Variants in FBXO25 observed in about 807,000 individuals in gnomAD.
FBXO25 encodes the protein F-box only protein 25.
In FBXO25, 45 loss-of-function variants were observed where a neutral mutation model predicts 51.9. That is an observed-to-expected ratio of 0.87 (90% confidence interval 0.68 to 1.11). The LOEUF is 1.11. Among genes scored for constraint, FBXO25 ranks in the 50% most tolerant of loss-of-function variants. The pLI is 0.00. For synonymous variants in FBXO25, 199 were observed against 151.0 expected (o/e 1.32, Z -2.33); for missense variants, 507 against 428.5 (o/e 1.18, Z -1.62).
intron 5 of FBXO25, among the ~76,000 whole-genome samples, chr8:446,002 G>A (rs1001069397): frequency 2.2e-4 from 33 of 152,054 alleles, no homozygotes; most frequent in East Asian, 1.2e-3. Flanking sequence ...GTAGCATGTC[G>A]GACTGTATGT....
intron 8 of FBXO25, 37 bp downstream of exon 8, chr8:458,588 G>A: frequency 6.2e-7 from 1 of 1,601,230 alleles, no homozygotes; most frequent in Non-Finnish European, 8.5e-7. Flanking sequence ...CAGGCTGGGA[G>A]TTTATAGACT....
intron 9 of FBXO25, chr8:467,626 T>C (rs1298596923): frequency 9.7e-6 from 12 of 1,242,118 alleles, no homozygotes; most frequent in Non-Finnish European, 1.4e-5. Flanking sequence ...ACCTGAATGC[T>C]TAGATACACT....
chr8:418,333 CTTTTT>C (rs1207244013), intron 2 of FBXO25, among the ~76,000 whole-genome samples: 3 of 72,336 alleles, frequency 4.1e-5, no homozygotes, highest in Admixed American at 2.0e-4. Context: ...TTTGTTTGTT[CTTTTT>C]TTTTTTTTTT....
rs1227946838 is a variant in FBXO25 at position 476,570 on chromosome 8, T to G, written c.*7766T>G. 6.6e-6 allele frequency: 1 copy of G among 152,198 alleles called. No individual in the cohort carries two copies. Among genetic ancestry groups the G allele is most frequent in the East Asian group, 1.9e-4 (1 of 5,194 alleles). The allele number at this position is 152,198 out of a possible 1,614,324, so 9.4% of individuals were successfully genotyped here. A position where few individuals can be genotyped will look rare whatever the true frequency, so the allele number is the denominator to read the frequency against. On this transcript the variant is annotated 3_prime_UTR_variant, in exon 10 of 10. Coordinates refer to ENST00000350302, the MANE Select transcript of FBXO25 (RefSeq NM_183420.2). ...GTTCAGATTTTCCATTTCTTCATGA[T>G]TCAATCTTGATAGGCTGTGTGTTTC...
At chr8:444,904 C>T (rs772570098) in intron 5 of FBXO25, among the ~76,000 whole-genome samples, 1 of 152,162 alleles carries the variant, frequency 6.6e-6, no homozygotes, top group East Asian at 1.9e-4. Flanking sequence ...GAGGAAATTA[C>T]CTAGCAATGC....
At chr8:444,572 G>C (rs201739689) in intron 5 of FBXO25, among the ~76,000 whole-genome samples, 25 of 152,142 alleles carry the variant, frequency 1.6e-4, no homozygotes, top group African/African-American at 5.5e-4. Context: ...AAAAAATACA[G>C]ATTCTCTATT....
intron 1 of FBXO25, among the ~76,000 whole-genome samples, chr8:410,255 G>T (rs1217136255): frequency 6.6e-6 from 1 of 152,126 alleles, no homozygotes; most frequent in Non-Finnish European, 1.5e-5. Context: ...TATTACACTT[G>T]TATGGAATTT....
chr8:463,359 T>C (rs1206069937), intron 9 of FBXO25, among the ~76,000 whole-genome samples: 1 of 152,226 alleles, frequency 6.6e-6, no homozygotes, highest in Admixed American at 6.5e-5. Context: ...ACCAAAATGC[T>C]TCTCCTTTTT....
Position 475,339 on chromosome 8 carries a change from T to C in FBXO25, c.*6535T>C, listed in dbSNP as rs1381399315. On this transcript the variant is annotated 3_prime_UTR_variant, in exon 10 of 10. Transcript: ENST00000350302. ...TTTCAATACAACACCATTTTGATTA[T>C]TGTAGCTTTGTCGTAAGTTATGAAA... 3.1e-5 allele frequency: 5 copies of C among 161,536 alleles called. No homozygotes were observed. The highest frequency in any genetic ancestry group is 6.7e-5 in the Non-Finnish European group (5 of 74,322). 10.0% of individuals were successfully genotyped at this position (161,536 alleles called of 1,614,324 possible). A position where few individuals can be genotyped will look rare whatever the true frequency, so the allele number is the denominator to read the frequency against.
At chr8:446,831 T>C (rs112728251) in intron 5 of FBXO25, among the ~76,000 whole-genome samples, 17 of 152,316 alleles carry the variant, frequency 1.1e-4, no homozygotes, top group African/African-American at 3.8e-4. Context: ...CATGTAATTG[T>C]CACATTTATA....
chr8:460,575 C>G (rs1250501530), intron 8 of FBXO25, among the ~76,000 whole-genome samples: 3 of 152,184 alleles, frequency 2.0e-5, no homozygotes, highest in Non-Finnish European at 4.4e-5. Context: ...AAGGAAAAGT[C>G]AGCTAAATGC....
chr8:417,190 C>G (rs1796860293), intron 2 of FBXO25, among the ~76,000 whole-genome samples: 1 of 152,194 alleles, frequency 6.6e-6, no homozygotes, highest in African/African-American at 2.4e-5. Flanking sequence ...TGTGAAGTAC[C>G]TGTTGTCATA....
intron 2 of FBXO25, among the ~76,000 whole-genome samples, chr8:414,178 A>C (rs1484775437): frequency 6.6e-6 from 1 of 152,226 alleles, no homozygotes; most frequent in Non-Finnish European, 1.5e-5. Context: ...ATAACACATA[A>C]TATTTTTAAA....
At chr8:410,357 T>A (rs985661651) in intron 1 of FBXO25, among the ~76,000 whole-genome samples, 1 of 152,184 alleles carries the variant, frequency 6.6e-6, no homozygotes, top group Non-Finnish European at 1.5e-5. Flanking sequence ...ATGTAGTTGG[T>A]GCTCAAATGT....
chr8:440,901 T>G (rs1798387533), intron 5 of FBXO25, among the ~76,000 whole-genome samples: 1 of 144,142 alleles, frequency 6.9e-6, no homozygotes. Context: ...TCCATGTCCT[T>G]GCAAAGGACA....
Position 432,868 on chromosome 8 carries a change from A to T in FBXO25, c.239-18A>T, listed in dbSNP as rs541797699. The T allele has an allele frequency of 6.5e-7, 1 of 1,534,666 alleles. No homozygotes were observed. The highest frequency in any genetic ancestry group is 8.7e-7 in the Non-Finnish European group (1 of 1,146,188). On this transcript the variant is annotated intron_variant, in intron 3 of 9. Transcript: ENST00000350302. ...ATGATTTGCCAGATTTTAAAAACAA[A>T]GGTAATTTTTATTCTAGGTTTTTAT...
At chr8:429,577 A>T (rs538154090) in intron 2 of FBXO25, among the ~76,000 whole-genome samples, 1 of 152,358 alleles carries the variant, frequency 6.6e-6, no homozygotes, top group Admixed American at 6.5e-5. Flanking sequence ...AATGTGTCGA[A>T]TTTAAATTTC....
intron 5 of FBXO25, among the ~76,000 whole-genome samples, chr8:441,046 A>T (rs1175503011): frequency 6.7e-6 from 1 of 148,460 alleles, no homozygotes; most frequent in Admixed American, 6.8e-5. Context: ...TGCAATAAAC[A>T]TACGTGTGCG....
At chr8:466,800 G>C (rs1401640714) in intron 9 of FBXO25, among the ~76,000 whole-genome samples, 1 of 152,142 alleles carries the variant, frequency 6.6e-6, no homozygotes, top group Non-Finnish European at 1.5e-5. Flanking sequence ...CACACAGTCT[G>C]TAAGTAACTG....
Sources: gnomAD v4.1 joint callset for allele counts (sites outside exome capture counted in the v4.1 genomes callset) on GRCh38, gnomAD v4.1.1 for gene constraint, MANE v1.5 for transcripts, NCBI Gene and HGNC (gene_info 2026-07-23, HGNC 2026-07-21) for gene names.